Variants in FAM13B observed in about 807,000 individuals in gnomAD.
The protein encoded by FAM13B is protein FAM13B.
In FAM13B, 60 loss-of-function variants were observed where a neutral mutation model predicts 117.3. The observed-to-expected ratio is 0.51, with a 90% CI of 0.42 to 0.63. The LOEUF (loss-of-function observed/expected upper bound fraction) is 0.63. Among genes scored for constraint, FAM13B ranks in the 30% least tolerant of loss-of-function variants. The probability of loss-of-function intolerance (pLI) is 0.00; values close to 1 mark genes in which losing one functional copy is unlikely to be tolerated. For synonymous variants in FAM13B, 332 were observed against 356.1 expected (o/e 0.93, Z 0.76); for missense variants, 972 against 1,091.9 (o/e 0.89, Z 1.55).
chr5:138,025,934 T>C (rs554607381), intron 1 of FAM13B, among the ~76,000 whole-genome samples: 1 of 152,344 alleles, frequency 6.6e-6, no homozygotes, highest in African/African-American at 2.4e-5. Context: ...TTTTGACAAA[T>C]GAAACGTACC....
chr5:137,958,524 G>A (rs866434417), intron 13 of FAM13B, among the ~76,000 whole-genome samples: 2 of 151,964 alleles, frequency 1.3e-5, no homozygotes, highest in East Asian at 1.9e-4. Flanking sequence ...AAAGGAGTCC[G>A]TGGCACTGGC....
chr5:137,956,310 T>C (rs1278684666), intron 14 of FAM13B, among the ~76,000 whole-genome samples, 167 bp downstream of exon 14: 1 of 152,166 alleles, frequency 6.6e-6, no homozygotes, highest in Non-Finnish European at 1.5e-5. Flanking sequence ...ATGAGAAATA[T>C]CCTATTTTAA....
At chr5:137,995,683 T>TA (rs1779682512) in intron 7 of FAM13B, among the ~76,000 whole-genome samples, 1 of 152,184 alleles carries the variant, frequency 6.6e-6, no homozygotes, top group Non-Finnish European at 1.5e-5. Flanking sequence ...TTAGGAGTAT[T>TA]TTATACCTAT....
chr5:138,004,282 A>G (rs982798801), intron 7 of FAM13B, among the ~76,000 whole-genome samples: 2 of 152,174 alleles, frequency 1.3e-5, no homozygotes, highest in African/African-American at 4.8e-5. Context: ...AAAAAAAACA[A>G]AACTGACAAC....
chr5:137,975,885 C>T (rs532531376), intron 10 of FAM13B, among the ~76,000 whole-genome samples: 2 of 150,026 alleles, frequency 1.3e-5, no homozygotes, highest in East Asian at 1.9e-4. Context: ...TACTGACATG[C>T]TCAAATCTCC....
At chr5:138,040,284 A>AG (rs1454992677) in intron 1 of FAM13B, among the ~76,000 whole-genome samples, 1 of 144,356 alleles carries the variant, frequency 6.9e-6, no homozygotes, top group African/African-American at 2.6e-5. Flanking sequence ...AAAAAAAAAA[A>AG]AAAGGCCGGG....
chr5:138,031,584 C>T (rs1007532841), intron 1 of FAM13B, among the ~76,000 whole-genome samples: 3 of 151,818 alleles, frequency 2.0e-5, no homozygotes, highest in Non-Finnish European at 4.4e-5. Flanking sequence ...ACTCAGGAGG[C>T]TGAGGCAGGA....
chr5:137,980,289 G>A (rs1775328073), intron 10 of FAM13B, among the ~76,000 whole-genome samples: 2 of 152,070 alleles, frequency 1.3e-5, no homozygotes, highest in Admixed American at 1.3e-4. Flanking sequence ...AATAATAAGA[G>A]TATCACTGAA....
At chr5:137,986,529 G>C (rs1489055038) in intron 9 of FAM13B, among the ~76,000 whole-genome samples, 1 of 151,700 alleles carries the variant, frequency 6.6e-6, no homozygotes, top group Non-Finnish European at 1.5e-5. Context: ...TGAAGTAATA[G>C]AAAACAAAGA....
rs923255548 is a variant in FAM13B at position 137,938,424 on chromosome 5, T to C, written c.*1801A>G. On this transcript the variant is annotated 3_prime_UTR_variant, in exon 24 of 24. Transcript: ENST00000689681. ...TACACAGTGCACATAAAATTAGATG[T>C]TTGGATACACTCCTATCTGGAGACT... 2 of 152,616 alleles carry C rather than the reference T, an allele frequency of 1.3e-5. No individual in the cohort carries two copies. Among genetic ancestry groups the C allele is most frequent in the Non-Finnish European group, 2.9e-5 (2 of 68,032 alleles). The allele number at this position is 152,616 out of a possible 1,614,324, so 9.5% of individuals were successfully genotyped here. A position where few individuals can be genotyped will look rare whatever the true frequency, so the allele number is the denominator to read the frequency against.
In FAM13B at chr5:137,953,083, T is replaced by C. The variant is rs144334731; in HGVS notation, c.1848+253A>G. On this transcript the variant is annotated intron_variant, in intron 16 of 23. Transcript: ENST00000689681. ...TAACATGATTTGTCAATGTAAAGTA[T>C]TTGCTTTAAAAATTCTAAAAGCTGC... 7.2e-5 allele frequency among the ~76,000 whole-genome samples: 11 copies of C among 152,334 alleles called. No homozygotes were observed. In the South Asian group the frequency reaches 1.7e-3, roughly 23 times the overall value.
intron 10 of FAM13B, among the ~76,000 whole-genome samples, chr5:137,967,316 G>T (rs1188751852): frequency 6.6e-6 from 1 of 152,092 alleles, no homozygotes; most frequent in Non-Finnish European, 1.5e-5. Flanking sequence ...ACAAGGTCAG[G>T]AGTTCAAGAC....
chr5:137,941,907 GAAGA>G, intron 23 of FAM13B, 33 bp downstream of exon 23: 1 of 1,508,124 alleles, frequency 6.6e-7, no homozygotes, highest in Non-Finnish European at 9.2e-7. Context: ...GTGAGTTAGA[GAAGA>G]AAGATGACTC....
chr5:137,971,305 T>A (rs1177794363), intron 10 of FAM13B, among the ~76,000 whole-genome samples: 3 of 151,986 alleles, frequency 2.0e-5, no homozygotes, highest in Admixed American at 6.6e-5. Flanking sequence ...GGATTAAGAA[T>A]CTCACTCAAA....
chr5:137,961,549 G>A (rs923181892), intron 11 of FAM13B, among the ~76,000 whole-genome samples: 1 of 152,166 alleles, frequency 6.6e-6, no homozygotes, highest in Non-Finnish European at 1.5e-5. Flanking sequence ...CAGAGTATGG[G>A]GAGGCTCCAG....
At chr5:138,032,523 C>T (rs1167911119) in intron 1 of FAM13B, among the ~76,000 whole-genome samples, 1 of 152,218 alleles carries the variant, frequency 6.6e-6, no homozygotes, top group Non-Finnish European at 1.5e-5. Flanking sequence ...GCCCGCTCAA[C>T]TGCACTGCAG....
At chr5:137,994,892 C>T (rs563229718) in intron 7 of FAM13B, among the ~76,000 whole-genome samples, 106 of 152,200 alleles carry the variant, frequency 7.0e-4, no homozygotes, top group African/African-American at 2.5e-3. Flanking sequence ...ATTTTGTATC[C>T]AAATAAAATA....
At chr5:138,011,732 T>C (rs1784079961) in intron 5 of FAM13B, 36 bp downstream of exon 5, 1 of 1,541,414 alleles carries the variant, frequency 6.5e-7, no homozygotes, top group Non-Finnish European at 8.8e-7. Context: ...ATATCTAATT[T>C]TTAAAAATTA....
intron 13 of FAM13B, 89 bp from the exon 14 acceptor site, chr5:137,956,631 T>A: frequency 1.2e-6 from 1 of 815,916 alleles, no homozygotes; most frequent in Admixed American, 3.5e-5. Flanking sequence ...AAGCCAAAGA[T>A]ACCAAAAACA....
Sources: allele counts gnomAD v4.1 joint callset (sites outside exome capture counted in the v4.1 genomes callset), GRCh38; gene constraint gnomAD v4.1.1; transcripts MANE v1.5; gene names NCBI Gene and HGNC (gene_info 2026-07-23, HGNC 2026-07-21).